R3HDM1: variants seen among roughly 807,000 people sequenced by gnomAD.
R3HDM1 encodes the protein R3H domain containing 1.
A neutral mutation model predicts 141.1 loss-of-function variants in R3HDM1; 46 were observed. That is an observed-to-expected ratio of 0.33 (90% confidence interval 0.26 to 0.42). The LOEUF (loss-of-function observed/expected upper bound fraction) is 0.42. R3HDM1 is among the 10% of genes least tolerant of loss of function. R3HDM1 has a pLI of 1.00. For missense variants in R3HDM1, 1,184 were observed against 1,368.3 expected (o/e 0.87, Z 2.12); for synonymous variants, 435 against 472.9 (o/e 0.92, Z 1.04).
intron 19 of R3HDM1, among the ~76,000 whole-genome samples, chr2:135,671,532 G>A (rs1402588329): frequency 6.6e-6 from 1 of 151,208 alleles, no homozygotes; most frequent in Non-Finnish European, 1.5e-5. Context: ...ACCACGCCTG[G>A]CTAATTTTGT....
intron 1 of R3HDM1, among the ~76,000 whole-genome samples, chr2:135,598,516 G>A (rs1321029532): frequency 6.6e-6 from 1 of 152,182 alleles, no homozygotes; most frequent in Non-Finnish European, 1.5e-5. Context: ...ACCTACAGAT[G>A]ATGATACAGT....
At chr2:135,706,097 C>T (rs968758039) in intron 21 of R3HDM1, among the ~76,000 whole-genome samples, 9 of 151,382 alleles carry the variant, frequency 5.9e-5, no homozygotes, top group Non-Finnish European at 1.2e-4. Flanking sequence ...CCACTGCACT[C>T]CAGCCTGGGT....
chr2:135,658,120 G>T (rs951759636), intron 18 of R3HDM1, among the ~76,000 whole-genome samples: 1 of 152,154 alleles, frequency 6.6e-6, no homozygotes, highest in African/African-American at 2.4e-5. Flanking sequence ...TGTAAACATA[G>T]AAAAGGTACA....
chr2:135,549,218 A>T (rs1301756344), intron 1 of R3HDM1, among the ~76,000 whole-genome samples: 1 of 152,168 alleles, frequency 6.6e-6, no homozygotes, highest in Non-Finnish European at 1.5e-5. Flanking sequence ...TTTAAAGAAC[A>T]CATATTGTAT....
intron 1 of R3HDM1, among the ~76,000 whole-genome samples, chr2:135,573,286 T>C (rs1455999951): frequency 1.3e-5 from 2 of 152,044 alleles, no homozygotes; most frequent in Non-Finnish European, 2.9e-5. Context: ...AGGACAAAAA[T>C]CTATACAGAA....
intron 15 of R3HDM1, among the ~76,000 whole-genome samples, chr2:135,642,232 ATCTT>A (rs1354123834): frequency 1.3e-5 from 2 of 152,150 alleles, no homozygotes; most frequent in Non-Finnish European, 2.9e-5. Context: ...AAAAATAATT[ATCTT>A]TCAGAATGTG....
chr2:135,554,853 TTTG>T, intron 1 of R3HDM1, among the ~76,000 whole-genome samples: 1 of 152,268 alleles, frequency 6.6e-6, no homozygotes, highest in Non-Finnish European at 1.5e-5. Context: ...AAGTTAAATT[TTTG>T]TTGTTTAAGC....
Position 135,602,903 on chromosome 2 carries a change from A to T in R3HDM1, c.-41+195A>T, listed in dbSNP as rs527979155. Among the ~76,000 whole-genome samples, 9 of 152,022 alleles carry T rather than the reference A, an allele frequency of 5.9e-5. No individual in the cohort carries two copies. In the South Asian group the frequency reaches 1.9e-3, roughly 32 times the overall value. ...TGGTTTTCTTTTTTTAATTCAGTTC[A>T]GTCTGTCTGTGACTTTAAGACCTAC... On this transcript the variant is annotated intron_variant, in intron 2 of 26. Coordinates refer to ENST00000683871, the MANE Select transcript of R3HDM1 (RefSeq NM_001378107.1).
chr2:135,535,649 A>G (rs1261237837), intron 1 of R3HDM1, among the ~76,000 whole-genome samples: 2 of 152,178 alleles, frequency 1.3e-5, no homozygotes, highest in Non-Finnish European at 2.9e-5. Context: ...GACTTCCCAT[A>G]ATGTTTAGTA....
chr2:135,645,574 A>G lies in R3HDM1; in HGVS notation c.1623+47A>G, dbSNP rs571885592. The G allele has an allele frequency of 6.9e-6, 11 of 1,583,742 alleles. No individual in the cohort carries two copies. The South Asian group carries it at 1.3e-4, about 18-fold the overall frequency. On this transcript the variant is annotated intron_variant, in intron 16 of 26. Coordinates refer to ENST00000683871, the MANE Select transcript of R3HDM1 (RefSeq NM_001378107.1). ...TAATGCTAAGTTGACTTGCCTTTACATATTTGGGACTAAATTCGCTAATTA... is the reference window on the plus strand; with the variant it reads ...TAATGCTAAGTTGACTTGCCTTTACGTATTTGGGACTAAATTCGCTAATTA...
intron 1 of R3HDM1, among the ~76,000 whole-genome samples, chr2:135,580,304 C>T (rs11892928): frequency 0.093 from 14,181 of 152,136 alleles, 914 homozygotes; most frequent in South Asian, 0.31. Flanking sequence ...TCTATTGTTA[C>T]CTAAACTCTT....
At chr2:135,548,192 C>A (rs1047631165) in intron 1 of R3HDM1, among the ~76,000 whole-genome samples, 4 of 152,100 alleles carry the variant, frequency 2.6e-5, no homozygotes, top group Non-Finnish European at 5.9e-5. Context: ...TGTTAAGAGA[C>A]CTGTTGCCAA....
At chr2:135,704,055 A>AGTG (rs1239077016) in intron 21 of R3HDM1, among the ~76,000 whole-genome samples, 2 of 152,152 alleles carry the variant, frequency 1.3e-5, no homozygotes, top group African/African-American at 2.4e-5. Context: ...ATCTCAGCTC[A>AGTG]CTGCAACCTC....
intron 21 of R3HDM1, among the ~76,000 whole-genome samples, chr2:135,681,489 T>G (rs1437875264): frequency 6.6e-6 from 1 of 152,226 alleles, no homozygotes; most frequent in Non-Finnish European, 1.5e-5. Flanking sequence ...AGTCATCTGC[T>G]TTAAAGTATT....
chr2:135,715,830 A>G (rs2076106045), intron 24 of R3HDM1, 136 bp downstream of exon 24: 1 of 1,042,460 alleles, frequency 9.6e-7, no homozygotes, highest in Middle Eastern at 2.1e-4. Flanking sequence ...AGGCATGTCT[A>G]TTTGTGACCA....
chr2:135,686,022 T>C (rs895763778), intron 21 of R3HDM1, among the ~76,000 whole-genome samples: 1 of 152,050 alleles, frequency 6.6e-6, no homozygotes, highest in African/African-American at 2.4e-5. Context: ...TGAATAGAAA[T>C]TTATCCAGAG....
chr2:135,531,846 T>G, intron 1 of R3HDM1: 1 of 985,372 alleles, frequency 1.0e-6, no homozygotes, highest in Non-Finnish European at 1.2e-6. Flanking sequence ...TAGGTCGGGT[T>G]CCGAGTGAGC....
intron 21 of R3HDM1, among the ~76,000 whole-genome samples, chr2:135,699,142 G>A (rs1451061268): frequency 1.3e-5 from 2 of 150,738 alleles, no homozygotes; most frequent in South Asian, 2.1e-4. Flanking sequence ...AAAATCATTC[G>A]AAGAGAGGCC....
chr2:135,653,938 G>T (rs1178779994), intron 18 of R3HDM1, among the ~76,000 whole-genome samples: 1 of 152,112 alleles, frequency 6.6e-6, no homozygotes, highest in Non-Finnish European at 1.5e-5. Context: ...CTTTTGTGGG[G>T]CAGGGCATTT....
Sources: gnomAD v4.1 joint callset for allele counts (sites outside exome capture counted in the v4.1 genomes callset) on GRCh38, gnomAD v4.1.1 for gene constraint, MANE v1.5 for transcripts, NCBI Gene and HGNC (gene_info 2026-07-23, HGNC 2026-07-21) for gene names.